Variants in TMEM209 observed in about 807,000 individuals in gnomAD.
The protein encoded by TMEM209 is testicular tissue protein Li 202.
TMEM209 carries 65 observed loss-of-function variants against 76.2 expected under a neutral mutation model. The ratio of observed to expected loss-of-function variants is 0.85; its 90% CI spans 0.70 to 1.05. The LOEUF (loss-of-function observed/expected upper bound fraction) is 1.05. TMEM209 is among the 50% of genes least tolerant of loss of function. The probability of loss-of-function intolerance (pLI) is 0.00; values close to 1 mark genes in which losing one functional copy is unlikely to be tolerated. For missense variants in TMEM209, 623 were observed against 685.5 expected (o/e 0.91, Z 1.02); for synonymous variants, 239 against 237.6 (o/e 1.01, Z -0.06).
chr7:130,194,921 T>C (rs1046908897), intron 5 of TMEM209, among the ~76,000 whole-genome samples: 7 of 152,140 alleles, frequency 4.6e-5, no homozygotes, highest in Admixed American at 4.6e-4. Flanking sequence ...TGTTTGAAAA[T>C]AAAAAGGTTA....
intron 9 of TMEM209, among the ~76,000 whole-genome samples, chr7:130,179,515 C>T (rs529523531): frequency 6.6e-6 from 1 of 152,248 alleles, no homozygotes; most frequent in East Asian, 1.9e-4. Context: ...TTTCTTTTAT[C>T]ATATCCTGCA....
intron 1 of TMEM209, 47 bp downstream of exon 1, chr7:130,205,326 G>C (rs767987383): frequency 2.4e-5 from 39 of 1,613,672 alleles, no homozygotes; most frequent in Non-Finnish European, 3.1e-5. Context: ...CCCACAACCC[G>C]CGTAGATTCC....
At chr7:130,170,805 G>A (rs1486637569) in intron 13 of TMEM209, among the ~76,000 whole-genome samples, 4 of 151,912 alleles carry the variant, frequency 2.6e-5, no homozygotes, top group East Asian at 1.9e-4. Flanking sequence ...ACTGGTTAGC[G>A]ACAGAATGCC....
At chr7:130,205,324 C>T in intron 1 of TMEM209, 49 bp downstream of exon 1, 1 of 1,613,884 alleles carries the variant, frequency 6.2e-7, no homozygotes, top group Non-Finnish European at 8.5e-7. Context: ...CTCCCACAAC[C>T]CGCGTAGATT....
intron 1 of TMEM209, chr7:130,205,045 A>T (rs1345962436): frequency 1.2e-5 from 15 of 1,297,140 alleles, no homozygotes; most frequent in Non-Finnish European, 1.5e-5. Flanking sequence ...GGGATTTATA[A>T]TTCCTCCTTT....
chr7:130,184,101 A>T, intron 8 of TMEM209, 83 bp downstream of exon 8: 1 of 925,348 alleles, frequency 1.1e-6, no homozygotes, highest in Non-Finnish European at 1.6e-6. Context: ...CTAATTTATA[A>T]TGAACTCTAA....
At chr7:130,176,686 C>CA (rs758688790) in intron 10 of TMEM209, among the ~76,000 whole-genome samples, 1 of 149,168 alleles carries the variant, frequency 6.7e-6, no homozygotes, top group East Asian at 2.0e-4. Flanking sequence ...AAATAAATTG[C>CA]AAAGGAAAAA....
At chr7:130,172,456 C>T (rs1422676208) in intron 13 of TMEM209, among the ~76,000 whole-genome samples, 2 of 152,172 alleles carry the variant, frequency 1.3e-5, no homozygotes, top group African/African-American at 4.8e-5. Context: ...CATTCTCCTG[C>T]CTCAGCCTCC....
chr7:130,181,568 T>TC, intron 9 of TMEM209, 55 bp downstream of exon 9: 2 of 1,479,162 alleles, frequency 1.4e-6, no homozygotes, highest in Non-Finnish European at 1.9e-6. Flanking sequence ...CAAGAAGTTT[T>TC]CCACTTGGTA....
At chr7:130,183,244 ATTTGCCAGCTGT>A (rs1394791869) in intron 8 of TMEM209, among the ~76,000 whole-genome samples, 87 of 152,260 alleles carry the variant, frequency 5.7e-4, no homozygotes, top group African/African-American at 2.0e-3. Flanking sequence ...ATGCATCTTA[ATTTGCCAGCTGT>A]GACAAATGGT....
intron 5 of TMEM209, among the ~76,000 whole-genome samples, chr7:130,200,292 A>C (rs1798143601): frequency 1.3e-5 from 2 of 152,210 alleles, no homozygotes; most frequent in African/African-American, 2.4e-5. Context: ...GTATGTTAAA[A>C]GTTACGATAG....
intron 6 of TMEM209, among the ~76,000 whole-genome samples, chr7:130,190,979 CAAA>C (rs202081053): frequency 1.1e-5 from 1 of 94,046 alleles, no homozygotes. Context: ...GACCTAGTCT[CAAA>C]AAAAAAAAAA....
At chr7:130,203,389 T>C (rs1372309760) in intron 3 of TMEM209, among the ~76,000 whole-genome samples, 5 of 152,028 alleles carry the variant, frequency 3.3e-5, no homozygotes, top group African/African-American at 1.2e-4. Flanking sequence ...TTATACCCAA[T>C]GACTATGGAA....
intron 13 of TMEM209, 102 bp downstream of exon 13, chr7:130,173,530 A>C (rs1185074095): frequency 3.5e-6 from 3 of 849,876 alleles, no homozygotes; most frequent in Non-Finnish European, 5.4e-6. Flanking sequence ...CCAATTTAAA[A>C]AATTTACTTC....
chr7:130,195,713 T>C (rs1168373644), intron 5 of TMEM209, among the ~76,000 whole-genome samples: 2 of 152,264 alleles, frequency 1.3e-5, no homozygotes, highest in African/African-American at 4.8e-5. Context: ...TTTGTTTTTA[T>C]GTTTTTTCGG....
chr7:130,204,488 C>T (rs1464208243), intron 1 of TMEM209, among the ~76,000 whole-genome samples: 2 of 152,104 alleles, frequency 1.3e-5, no homozygotes, highest in Non-Finnish European at 1.5e-5. Flanking sequence ...ATTACAGACG[C>T]CCGCCACCGC....
At chr7:130,167,850 G>A (rs1381647345) in intron 14 of TMEM209, among the ~76,000 whole-genome samples, 2 of 152,006 alleles carry the variant, frequency 1.3e-5, no homozygotes, top group African/African-American at 2.4e-5. Flanking sequence ...TTAAGTTATA[G>A]GAAAGTTTTT....
chr7:130,188,595 CAAAAAAAAAAAA>C (rs10649977), intron 6 of TMEM209, among the ~76,000 whole-genome samples: 11 of 72,702 alleles, frequency 1.5e-4, no homozygotes, highest in Non-Finnish European at 5.1e-5. Context: ...GACTCCGTAT[CAAAAAAAAAAAA>C]AAAAAAAAAA....
chr7:130,194,370 G>A (rs867200658), intron 5 of TMEM209, among the ~76,000 whole-genome samples: 1 of 151,090 alleles, frequency 6.6e-6, no homozygotes, highest in African/African-American at 2.4e-5. Flanking sequence ...TGGAGCCCAG[G>A]AGTTAGAGGC....
Sources: gnomAD v4.1 joint callset for allele counts (sites outside exome capture counted in the v4.1 genomes callset) on GRCh38, gnomAD v4.1.1 for gene constraint, MANE v1.5 for transcripts, NCBI Gene and HGNC (gene_info 2026-07-23, HGNC 2026-07-21) for gene names.